Variants in ADCY2 observed in about 807,000 individuals in gnomAD.
ADCY2 encodes adenylate cyclase type 2.
In ADCY2, 31 loss-of-function variants were observed where a neutral mutation model predicts 125.2. That is an observed-to-expected ratio of 0.25 (90% CI 0.19 to 0.33). The LOEUF is 0.33. ADCY2 is among the 10% of genes least tolerant of loss of function. The pLI is 1.00. For synonymous variants in ADCY2, 512 were observed against 548.4 expected, an observed-to-expected ratio of 0.93 and a Z score of 0.93; for missense variants, 904 against 1,418.2, an observed-to-expected ratio of 0.64 and a Z score of 5.82.
At chr5:7,662,077 A>G (rs1739553836) in intron 4 of ADCY2, among the ~76,000 whole-genome samples, 1 of 152,216 alleles carries the variant, frequency 6.6e-6, no homozygotes, top group Non-Finnish European at 1.5e-5. Context: ...GAAAGCCATT[A>G]TTCTCCTTAC....
intron 16 of ADCY2, among the ~76,000 whole-genome samples, chr5:7,766,333 C>A (rs187712684): frequency 3.3e-5 from 5 of 152,022 alleles, no homozygotes; most frequent in Admixed American, 3.3e-4. Context: ...CCGAAGGCTC[C>A]GATTTGATGG....
At chr5:7,470,524 CTA>C (rs1267531697) in intron 2 of ADCY2, among the ~76,000 whole-genome samples, 3 of 147,462 alleles carry the variant, frequency 2.0e-5, no homozygotes, top group Non-Finnish European at 4.5e-5. Flanking sequence ...TTATATGAAA[CTA>C]TATACATATA....
chr5:7,710,631 T>A (rs747844997), intron 10 of ADCY2, among the ~76,000 whole-genome samples: 1 of 152,180 alleles, frequency 6.6e-6, no homozygotes, highest in Non-Finnish European at 1.5e-5. Context: ...CTGCTGTGGC[T>A]GGAGCATCAT....
intron 18 of ADCY2, among the ~76,000 whole-genome samples, chr5:7,781,652 G>C (rs1037672977): frequency 1.3e-5 from 2 of 152,190 alleles, no homozygotes; most frequent in African/African-American, 4.8e-5. Context: ...CCACAACACT[G>C]AGATGATACA....
intron 16 of ADCY2, among the ~76,000 whole-genome samples, chr5:7,763,776 G>C (rs1743304712): frequency 6.6e-6 from 1 of 152,154 alleles, no homozygotes; most frequent in Admixed American, 6.5e-5. Context: ...GCCTTGGTTT[G>C]CCCTGCGTTT....
At chr5:7,698,555 A>G (rs1740968570) in intron 7 of ADCY2, among the ~76,000 whole-genome samples, 181 bp downstream of exon 7, 1 of 151,820 alleles carries the variant, frequency 6.6e-6, no homozygotes, top group Admixed American at 6.6e-5. Context: ...CCTCCCCAAC[A>G]GGCCCTGGTA....
At chr5:7,669,650 T>TG (rs1739867740) in intron 4 of ADCY2, among the ~76,000 whole-genome samples, 1 of 152,160 alleles carries the variant, frequency 6.6e-6, no homozygotes, top group Non-Finnish European at 1.5e-5. Flanking sequence ...TAAGTTTTTG[T>TG]GGGGGGAACC....
At chr5:7,578,982 G>A (rs1473253337) in intron 3 of ADCY2, among the ~76,000 whole-genome samples, 2 of 152,120 alleles carry the variant, frequency 1.3e-5, no homozygotes, top group Non-Finnish European at 2.9e-5. Context: ...ATCTCCTATT[G>A]AATTGAGAAA....
chr5:7,810,311 T>G (rs1023971706), intron 22 of ADCY2, among the ~76,000 whole-genome samples: 1 of 151,410 alleles, frequency 6.6e-6, no homozygotes, highest in African/African-American at 2.4e-5. Flanking sequence ...TCTACCTGAT[T>G]GGTGGGTTAT....
In ADCY2 at chr5:7,683,667, G is replaced by C. The variant is rs79670926; in HGVS notation, c.721-7024G>C. Among the ~76,000 whole-genome samples, 1,322 of 152,246 alleles carry C rather than the reference G, an allele frequency of 8.7e-3. 6 individuals are homozygous for C. The highest frequency in any genetic ancestry group is 0.011 in the Non-Finnish European group (777 of 68,012). On this transcript the variant is annotated intron_variant, in intron 4 of 24. Transcript: ENST00000338316. ...CCAAGGTACATTGCCTCCCAGGGGG[G>C]CATGGGAGGGAGAGTCAACACATTT...
chr5:7,408,188 C>A (rs866540487), intron 1 of ADCY2, among the ~76,000 whole-genome samples: 1 of 145,914 alleles, frequency 6.9e-6, no homozygotes, highest in Middle Eastern at 3.9e-3. Flanking sequence ...TCAGTTCTAA[C>A]CAAGAACTCT....
intron 5 of ADCY2, among the ~76,000 whole-genome samples, 199 bp from the exon 6 acceptor site, chr5:7,695,553 A>G (rs1014488292): frequency 2.6e-5 from 4 of 152,220 alleles, no homozygotes; most frequent in African/African-American, 9.6e-5. Context: ...CATCTTAACT[A>G]CAAAAGTTTA....
At position 7,708,507 on chromosome 5, in the gene ADCY2, C is replaced by T. The variant is rs561286738; in HGVS notation, c.1401+669C>T. On this transcript the variant is annotated intron_variant, in intron 9 of 24. Transcript: ENST00000338316. ...CAAATTCCTGCCAAATGGGTATTATCACTATTTACAGATTAAGAATCTGAA... is the reference window on the plus strand; with the variant it reads ...CAAATTCCTGCCAAATGGGTATTATTACTATTTACAGATTAAGAATCTGAA... Among the ~76,000 whole-genome samples, 276 of 152,246 alleles carry T rather than the reference C, an allele frequency of 1.8e-3. 2 individuals carry two copies. The highest frequency in any genetic ancestry group is 6.4e-3 in the African/African-American group (265 of 41,546).
At position 7,543,164 on chromosome 5, in the gene ADCY2, CACAT is replaced by C. The variant is rs142627317; in HGVS notation, c.570+22269_570+22272del. Among the ~76,000 whole-genome samples the C allele has an allele frequency of 1.8e-3, 272 of 152,242 alleles. 5 individuals are homozygous for C. The East Asian group carries it at 0.041, about 23-fold the overall frequency. The stretch of plus-strand genomic sequence containing the variant: ...ATGTTTGTGTATAGATATATACAAA[CACAT>C]ACAACACGTATGTGGAGTACAATCT... On this transcript the variant is annotated intron_variant, in intron 3 of 24. Coordinates refer to ENST00000338316, the MANE Select transcript of ADCY2 (RefSeq NM_020546.3).
At chr5:7,435,295 A>G (rs1375321804) in intron 2 of ADCY2, among the ~76,000 whole-genome samples, 1 of 152,200 alleles carries the variant, frequency 6.6e-6, no homozygotes, top group African/African-American at 2.4e-5. Flanking sequence ...TTGGAATACT[A>G]GCATTGTGCT....
chr5:7,432,132 A>T (rs534169940), intron 2 of ADCY2, among the ~76,000 whole-genome samples: 17 of 152,000 alleles, frequency 1.1e-4, no homozygotes, highest in African/African-American at 3.9e-4. Context: ...AGCTTTGGAG[A>T]GGAGTCCGGC....
Position 7,709,415 on chromosome 5 carries a change from G to C in ADCY2, c.1578+28G>C. 1 of 1,531,408 alleles carries C rather than the reference G, an allele frequency of 6.5e-7. No individual in the cohort carries two copies. The highest frequency in any genetic ancestry group is 8.8e-7 in the Non-Finnish European group (1 of 1,140,156). 94.9% of individuals were successfully genotyped at this position (1,531,408 alleles called of 1,614,324 possible). A position where few individuals can be genotyped will look rare whatever the true frequency, so the allele number is the denominator to read the frequency against. On this transcript the variant is annotated intron_variant, in intron 10 of 24. Coordinates refer to ENST00000338316, the MANE Select transcript of ADCY2 (RefSeq NM_020546.3). This position sits in a 1 kb window ranked among gnomAD's most constrained non-coding sequence, Gnocchi z 4.4. ...ATGCCCTCCCCTGCCTCCAATGCCT[G>C]AGCACTGGGGGAAAGCTAACTTCCC...
chr5:7,473,797 C>T (rs1159501803), intron 2 of ADCY2, among the ~76,000 whole-genome samples: 2 of 152,204 alleles, frequency 1.3e-5, no homozygotes, highest in Non-Finnish European at 2.9e-5. Flanking sequence ...AGCTCCCAAC[C>T]TTTCTTATGA....
chr5:7,601,199 G>A (rs1020737114), intron 3 of ADCY2, among the ~76,000 whole-genome samples: 2 of 152,234 alleles, frequency 1.3e-5, no homozygotes, highest in Non-Finnish European at 2.9e-5. Flanking sequence ...CAAGGCCAGA[G>A]TTCCCTCATT....
Sources: allele counts gnomAD v4.1 joint callset (sites outside exome capture counted in the v4.1 genomes callset), GRCh38; gene constraint gnomAD v4.1.1; non-coding constraint Gnocchi (gnomAD v3.1); transcripts MANE v1.5; gene names NCBI Gene and HGNC (gene_info 2026-07-23, HGNC 2026-07-21).